Variants in FAN1 observed in about 807,000 individuals in gnomAD.
FAN1 encodes the protein fanconi-associated nuclease 1.
In FAN1, 91 loss-of-function variants were observed where a neutral mutation model predicts 104.9. The ratio of observed to expected loss-of-function variants is 0.87; its 90% CI spans 0.73 to 1.03. The LOEUF (loss-of-function observed/expected upper bound fraction) is 1.03. FAN1 is among the 50% of genes least tolerant of loss of function. The pLI, the probability that FAN1 is intolerant of heterozygous loss-of-function variation, is 0.00. For synonymous variants in FAN1, 478 were observed against 457.6 expected, an observed-to-expected ratio of 1.04 and a Z score of -0.57; for missense variants, 1,263 against 1,239.9, an observed-to-expected ratio of 1.02 and a Z score of -0.28.
rs770993273 is a variant in FAN1 at position 30,910,681 on chromosome 15, C to G, written c.1443C>G (p.Ala481=). The change falls in exon 4 of 15, where the codon GCC becomes GCG. Residue 481 remains alanine (A), a synonymous_variant. Coordinates refer to ENST00000362065, the MANE Select transcript of FAN1 (RefSeq NM_014967.5). ...LLSAPELKSL[A]KTFHLVNPNG... is the part of the protein sequence containing the mutation. ...CTGCTCCTGAACTAAAATCCCTAGCCAAGACCTTCCACTTGGTGAATCCCA... is the reference window on the plus strand; with the variant it reads ...CTGCTCCTGAACTAAAATCCCTAGCGAAGACCTTCCACTTGGTGAATCCCA... The G allele has an allele frequency of 5.0e-6, 8 of 1,613,794 alleles. No homozygotes were observed. Among genetic ancestry groups the G allele is most frequent in the Non-Finnish European group, 6.8e-6 (8 of 1,179,958 alleles).
rs770926534 is a variant in FAN1 at position 30,922,317 on chromosome 15, C to T, written c.2135C>T (p.Ala712Val). Reference sequence around the variant, plus strand: ...AGAGGCCGATGGTGGGATCGACTGGCCCTTAATTTACACCAGCACTTGAAG... The same window carrying T: ...AGAGGCCGATGGTGGGATCGACTGGTCCTTAATTTACACCAGCACTTGAAG... ...DSRGRWWDRL[A>V]LNLHQHLKRL... Residue 712 changes from alanine to valine, a missense_variant, in exon 8 of 15, where the codon GCC (alanine) becomes GTC (valine). Coordinates refer to ENST00000362065, the MANE Select transcript of FAN1 (RefSeq NM_014967.5). 5 of 1,613,900 alleles carry T rather than the reference C, an allele frequency of 3.1e-6. No homozygotes were observed. The highest frequency in any genetic ancestry group is 3.4e-6 in the Non-Finnish European group (4 of 1,179,976).
In FAN1 at chr15:30,928,539, T is replaced by TGTGTGTGTGA. The variant is rs769919620; in HGVS notation, c.2489-13_2489-12insTGTGTGTGAG. 1.9e-6 allele frequency: 3 copies of TGTGTGTGTGA among 1,611,326 alleles called. No homozygotes were observed. Among genetic ancestry groups the TGTGTGTGTGA allele is most frequent in the Admixed American group, 1.7e-5 (1 of 59,934 alleles). On this transcript the variant is annotated splice_polypyrimidine_tract_variant and intron_variant, in intron 10 of 14. Coordinates refer to ENST00000362065, the MANE Select transcript of FAN1 (RefSeq NM_014967.5). ...GTGTGTGTGTGTGTGTGTGTGTGTGTGACCTTGTCTTAGGGATTCATGGCG... is the reference window on the plus strand; with the variant it reads ...GTGTGTGTGTGTGTGTGTGTGTGTGTGTGTGTGTGAGACCTTGTCTTAGGGATTCATGGCG...
At chr15:30,941,229 T>C (rs1301118975) in intron 14 of FAN1, 1 of 1,414,560 alleles carries the variant, frequency 7.1e-7, no homozygotes, top group Non-Finnish European at 9.3e-7. Flanking sequence ...CATGAACAGT[T>C]TGATCACGGT....
At chr15:30,914,608 C>T (rs1275725673) in intron 5 of FAN1, among the ~76,000 whole-genome samples, 2 of 152,166 alleles carry the variant, frequency 1.3e-5, no homozygotes, top group African/African-American at 2.4e-5. Flanking sequence ...TCAAGCAATC[C>T]GCCCACCTTG....
Position 30,941,711 on chromosome 15 carries a change from T to TGCCCACA in FAN1, c.*152_*153insCACAGCC. ...GGCCTCCAGGGGGCCACTGCGCTGT[T>TGCCCACA]GCCGCAGCATCCTGCTCAGTACGTC... On this transcript the variant is annotated 3_prime_UTR_variant, in exon 15 of 15. Coordinates refer to ENST00000362065, the MANE Select transcript of FAN1 (RefSeq NM_014967.5). The TGCCCACA allele has an allele frequency of 6.2e-7, 1 of 1,613,878 alleles. No individual in the cohort carries two copies. Among genetic ancestry groups the TGCCCACA allele is most frequent in the Non-Finnish European group, 8.5e-7 (1 of 1,179,840 alleles).
intron 8 of FAN1, among the ~76,000 whole-genome samples, chr15:30,923,619 C>T (rs1037556622): frequency 1.3e-5 from 2 of 152,182 alleles, no homozygotes; most frequent in African/African-American, 4.8e-5. Flanking sequence ...CAGCCAGCCC[C>T]GGCCTGGCCA....
At position 30,904,799 on chromosome 15, in the gene FAN1, G is replaced by A. The variant is rs371593413; in HGVS notation, c.136G>A (p.Val46Ile). ...NAPPAKLACP[V>I]CSKMVPRYDL... ...ACCACCTGCTAAACTTGCCTGCCCC[G>A]TTTGCAGTAAAATGGTGCCTAGATA... is the stretch of plus-strand genomic sequence containing the variant. The change falls in exon 2 of 15, where the codon GTT becomes ATT. Residue 46 changes from valine (V) to isoleucine (I), a missense_variant. Coordinates refer to ENST00000362065, the MANE Select transcript of FAN1 (RefSeq NM_014967.5). 1 of 1,613,628 alleles carries A rather than the reference G, an allele frequency of 6.2e-7. No homozygotes were observed. Among genetic ancestry groups the A allele is most frequent in the Non-Finnish European group, 8.5e-7 (1 of 1,179,596 alleles).
In FAN1 at chr15:30,941,743, A is replaced by G. The variant is rs1274186606; in HGVS notation, c.*181A>G. The stretch of plus-strand genomic sequence containing the variant: ...GCATCCTGCTCAGTACGTCGACTTC[A>G]TCAGCCAGGAGGGAGAGCTTGTGAA... On this transcript the variant is annotated 3_prime_UTR_variant, in exon 15 of 15. Coordinates refer to ENST00000362065, the MANE Select transcript of FAN1 (RefSeq NM_014967.5). 1 of 1,614,002 alleles carries G rather than the reference A, an allele frequency of 6.2e-7. No individual in the cohort carries two copies. The highest frequency in any genetic ancestry group is 1.1e-5 in the South Asian group (1 of 91,074).
chr15:30,927,730 C>G, intron 10 of FAN1: 1 of 985,694 alleles, frequency 1.0e-6, no homozygotes, highest in Non-Finnish European at 1.2e-6. Flanking sequence ...TCCATGTGGC[C>G]TCCTCCTCTG....
chr15:30,940,692 T>C, intron 14 of FAN1: 3 of 988,092 alleles, frequency 3.0e-6, no homozygotes, highest in Non-Finnish European at 3.6e-6. Context: ...GGAACAAGAC[T>C]CTGGGGACTC....
chr15:30,925,156 G>A lies in FAN1; in HGVS notation c.2202G>A (p.Ala734=), dbSNP rs777269185. 21 of 1,613,764 alleles carry A rather than the reference G, an allele frequency of 1.3e-5. No homozygotes were observed. Among genetic ancestry groups the A allele is most frequent in the Middle Eastern group, 1.6e-4 (1 of 6,084 alleles). Residue 734 remains alanine, a synonymous_variant, in exon 9 of 15, where the codon GCG becomes GCA. Coordinates refer to ENST00000362065, the MANE Select transcript of FAN1 (RefSeq NM_014967.5). ...PTIKCITEGL[A]DPEVRTGHRL... ...TCAAGTGCATCACAGAGGGGCTGGC[G>A]GATCCGGAAGTCAGAACGGGACACC...
chr15:30,926,042 GC>G, intron 10 of FAN1, 103 bp downstream of exon 10: 1 of 1,176,476 alleles, frequency 8.5e-7, no homozygotes, highest in Non-Finnish European at 1.2e-6. Flanking sequence ...TCTGTCCTCT[GC>G]TCACAGTGGA....
intron 13 of FAN1, among the ~76,000 whole-genome samples, chr15:30,936,544 T>TA (rs1446419568): frequency 3.3e-5 from 5 of 152,272 alleles, no homozygotes; most frequent in African/African-American, 1.2e-4. Context: ...AAGAACTGTC[T>TA]AGTTTCTACA....
At chr15:30,912,112 A>G (rs2062113438) in intron 4 of FAN1, among the ~76,000 whole-genome samples, 1 of 152,204 alleles carries the variant, frequency 6.6e-6, no homozygotes, top group Admixed American at 6.5e-5. Flanking sequence ...CACTTAGCAT[A>G]GAACAGATAA....
At chr15:30,912,528 G>A (rs997211366) in intron 4 of FAN1, among the ~76,000 whole-genome samples, 12 of 152,198 alleles carry the variant, frequency 7.9e-5, no homozygotes, top group Non-Finnish European at 1.5e-5. Context: ...CTGTAGATGA[G>A]TGGCTCTCAG....
At chr15:30,916,524 G>A (rs7176351) in intron 5 of FAN1, among the ~76,000 whole-genome samples, 32,844 of 152,092 alleles carry the variant, frequency 0.22, 4,538 homozygotes, top group African/African-American at 0.4. Flanking sequence ...AAAATAATGA[G>A]AACTCCCTTG....
In FAN1 at chr15:30,928,632, G is replaced by A. The variant is rs1026587573; in HGVS notation, c.2568G>A (p.Pro856=). Residue 856 remains proline, a synonymous_variant, in exon 11 of 15, where the codon CCG becomes CCA. Coordinates refer to ENST00000362065, the MANE Select transcript of FAN1 (RefSeq NM_014967.5). The part of the protein sequence containing the change: ...LWDIIFMDGI[P]DVFRNACQAF... ...ACATCATCTTCATGGATGGGATTCC[G>A]GATGTCTTCAGAAACGCCTGTCAGG... is the stretch of plus-strand genomic sequence containing the variant. 1.2e-6 allele frequency: 2 copies of A among 1,613,622 alleles called. No homozygotes were observed. Among genetic ancestry groups the A allele is most frequent in the African/African-American group, 1.3e-5 (1 of 74,818 alleles).
intron 4 of FAN1, among the ~76,000 whole-genome samples, chr15:30,913,652 C>T (rs1013708437): frequency 5.9e-5 from 9 of 152,188 alleles, no homozygotes; most frequent in African/African-American, 1.4e-4. Flanking sequence ...TGGAGCCAAA[C>T]CATGTGTGGA....
chr15:30,936,563 G>A (rs1276637988), intron 13 of FAN1, among the ~76,000 whole-genome samples: 1 of 152,188 alleles, frequency 6.6e-6, no homozygotes, highest in Non-Finnish European at 1.5e-5. Context: ...CAGAATAGAA[G>A]AATTTCTGAA....
Sources: allele counts gnomAD v4.1 joint callset (sites outside exome capture counted in the v4.1 genomes callset), GRCh38; gene constraint gnomAD v4.1.1; transcripts MANE v1.5; gene names NCBI Gene and HGNC (gene_info 2026-07-23, HGNC 2026-07-21).